Variants in PRKN observed in about 807,000 individuals in gnomAD.
PRKN encodes E3 ubiquitin-protein ligase parkin.
PRKN carries 56 observed loss-of-function variants against 59.5 expected under a neutral mutation model. The observed-to-expected ratio is 0.94, with a 90% CI of 0.76 to 1.18. The LOEUF (loss-of-function observed/expected upper bound fraction) is 1.18, where lower values mean the gene tolerates loss of function less well. PRKN is among the 50% of genes most tolerant of loss of function. PRKN has a pLI of 0.00. For synonymous variants in PRKN, 250 were observed against 222.1 expected (o/e 1.13, Z -1.12); for missense variants, 657 against 596.4 (o/e 1.10, Z -1.06).
chr6:161,952,882 C>T (rs1044432552), intron 6 of PRKN, among the ~76,000 whole-genome samples: 3 of 151,984 alleles, frequency 2.0e-5, no homozygotes, highest in Non-Finnish European at 4.4e-5. Context: ...TCAGGAGGAT[C>T]AAAGAATCAC....
intron 1 of PRKN, among the ~76,000 whole-genome samples, chr6:162,594,649 T>C (rs1321087750): frequency 6.6e-6 from 1 of 152,100 alleles, no homozygotes; most frequent in East Asian, 1.9e-4. Context: ...TTAGTATGAA[T>C]GAAATGAATA....
At chr6:162,620,351 C>T (rs533859833) in intron 1 of PRKN, among the ~76,000 whole-genome samples, 7 of 152,188 alleles carry the variant, frequency 4.6e-5, no homozygotes, top group East Asian at 1.9e-4. Flanking sequence ...TTGTTAATTA[C>T]ATTATTTTTT....
intron 4 of PRKN, among the ~76,000 whole-genome samples, chr6:162,145,158 C>A (rs568327161): frequency 7.9e-5 from 12 of 152,190 alleles, no homozygotes; most frequent in Non-Finnish European, 2.9e-5. Context: ...AAATAACCTT[C>A]AATTTCCCTT....
intron 7 of PRKN, among the ~76,000 whole-genome samples, chr6:161,685,135 C>A (rs1211500495): frequency 2.0e-5 from 3 of 152,090 alleles, no homozygotes; most frequent in Admixed American, 6.5e-5. Flanking sequence ...TTTTTTAATT[C>A]TTTTAAGGCT....
chr6:162,214,355 C>T (rs1777542391), intron 3 of PRKN, among the ~76,000 whole-genome samples: 1 of 152,178 alleles, frequency 6.6e-6, no homozygotes. Flanking sequence ...AACCACAGCA[C>T]AGACTGCCTC....
At chr6:162,215,331 T>TA (rs1376126889) in intron 3 of PRKN, among the ~76,000 whole-genome samples, 3 of 152,154 alleles carry the variant, frequency 2.0e-5, no homozygotes, top group Admixed American at 2.0e-4. Flanking sequence ...TGGTGTGGTA[T>TA]AAAAAAGTCT....
Position 161,581,855 on chromosome 6 carries a change from T to C in PRKN, c.872-12439A>G, listed in dbSNP as rs1182744388. On this transcript the variant is annotated intron_variant, in intron 7 of 11. Transcript: ENST00000366898. The surrounding 1 kb of genome is among the most constrained non-coding windows in gnomAD (Gnocchi z 4.5). ...CAAGGGCTCCTTTCCTGCTTCAGGT[T>C]TTATCACCCACTCAATATTTACTGC... Among the ~76,000 whole-genome samples the C allele has an allele frequency of 2.0e-5, 3 of 152,178 alleles. No individual in the cohort carries two copies. Among genetic ancestry groups the C allele is most frequent in the Non-Finnish European group, 4.4e-5 (3 of 68,036 alleles).
intron 1 of PRKN, among the ~76,000 whole-genome samples, chr6:162,477,885 T>G (rs1390434744): frequency 6.6e-6 from 1 of 152,230 alleles, no homozygotes; most frequent in Admixed American, 6.5e-5. Context: ...TATCTCTTGC[T>G]GTTGTTTGGC....
At chr6:161,940,735 A>C (rs1399069181) in intron 6 of PRKN, among the ~76,000 whole-genome samples, 2 of 152,206 alleles carry the variant, frequency 1.3e-5, no homozygotes, top group Non-Finnish European at 2.9e-5. Flanking sequence ...ACTGTTCAGA[A>C]ATCAGAATGT....
chr6:161,913,191 G>T (rs1237850238), intron 6 of PRKN, among the ~76,000 whole-genome samples: 2 of 118,414 alleles, frequency 1.7e-5, no homozygotes. Flanking sequence ...AAAAAAAAAA[G>T]ACATGGGATA....
intron 7 of PRKN, among the ~76,000 whole-genome samples, chr6:161,679,325 C>T (rs995761519): frequency 2.0e-5 from 3 of 152,160 alleles, no homozygotes; most frequent in African/African-American, 4.8e-5. Context: ...CTGCTAAAGA[C>T]GCCTGCAAGA....
At chr6:162,059,037 G>A (rs1280579562) in intron 4 of PRKN, among the ~76,000 whole-genome samples, 1 of 151,010 alleles carries the variant, frequency 6.6e-6, no homozygotes, top group Non-Finnish European at 1.5e-5. Flanking sequence ...GCTTCACAGA[G>A]TAAGACTTCT....
At chr6:162,619,763 A>G (rs1437020604) in intron 1 of PRKN, among the ~76,000 whole-genome samples, 1 of 152,066 alleles carries the variant, frequency 6.6e-6, no homozygotes, top group Non-Finnish European at 1.5e-5. Context: ...GGCCGACTGA[A>G]GCATGTTGAA....
At chr6:162,075,411 G>T (rs1778780253) in intron 4 of PRKN, among the ~76,000 whole-genome samples, 1 of 151,226 alleles carries the variant, frequency 6.6e-6, no homozygotes, top group Non-Finnish European at 1.5e-5. Context: ...ATCACATTTT[G>T]GTGTGTAGTA....
rs1790004685 is a variant in PRKN, at chr6:161,457,103, T to G, written c.1084-70226A>C. Among the ~76,000 whole-genome samples the G allele has an allele frequency of 6.6e-6, 1 of 152,194 alleles. No homozygotes were observed. The highest frequency in any genetic ancestry group is 2.1e-4 in the South Asian group (1 of 4,830). The stretch of plus-strand genomic sequence containing the variant: ...ACTGAGCGTCTTCGCTACGCAAGGC[T>G]CTCTTCCAGACCGCTTGGTTCTTTG... On this transcript the variant is annotated intron_variant, in intron 9 of 11. Transcript: ENST00000366898. The surrounding 1 kb of genome is among the most constrained non-coding windows in gnomAD (Gnocchi z 5.0).
At chr6:162,528,073 GGGCGGGA>G (rs1778359563) in intron 1 of PRKN, among the ~76,000 whole-genome samples, 1 of 57,842 alleles carries the variant, frequency 1.7e-5, no homozygotes, top group Non-Finnish European at 6.2e-5. Context: ...GAGGGCGGGG[GGGCGGGA>G]GGGGTGCGGG....
At chr6:162,687,048 G>GT (rs1448816016) in intron 1 of PRKN, among the ~76,000 whole-genome samples, 1 of 151,840 alleles carries the variant, frequency 6.6e-6, no homozygotes, top group Non-Finnish European at 1.5e-5. Flanking sequence ...TTTTAGGACT[G>GT]TTTTTTCTAA....
intron 7 of PRKN, among the ~76,000 whole-genome samples, chr6:161,626,129 A>G (rs1582908845): frequency 6.6e-6 from 1 of 152,298 alleles, no homozygotes; most frequent in East Asian, 1.9e-4. Context: ...TTCACTGTGT[A>G]TTCCTCGCCG....
At chr6:162,216,969 G>A (rs935567804) in intron 3 of PRKN, among the ~76,000 whole-genome samples, 2 of 152,110 alleles carry the variant, frequency 1.3e-5, no homozygotes, top group Non-Finnish European at 2.9e-5. Flanking sequence ...ATTATACCAG[G>A]TGAAGCCTGC....
Sources: gnomAD v4.1 joint callset for allele counts (sites outside exome capture counted in the v4.1 genomes callset) on GRCh38, gnomAD v4.1.1 for gene constraint, Gnocchi (gnomAD v3.1) non-coding constraint, MANE v1.5 for transcripts, NCBI Gene and HGNC (gene_info 2026-07-23, HGNC 2026-07-21) for gene names.